Variants in RPS6KC1 observed in about 807,000 individuals in gnomAD.
RPS6KC1 encodes the protein ribosomal protein S6 kinase C1, also known as inactive ribosomal protein S6 kinase delta-1.
A neutral mutation model predicts 103.8 loss-of-function variants in RPS6KC1; 54 were observed. The ratio of observed to expected loss-of-function variants is 0.52; its 90% confidence interval spans 0.42 to 0.65. The LOEUF (loss-of-function observed/expected upper bound fraction) is 0.65, where lower values mean the gene tolerates loss of function less well. RPS6KC1 is among the 30% of genes least tolerant of loss of function. The probability of loss-of-function intolerance (pLI) is 0.00; values close to 1 mark genes in which losing one functional copy is unlikely to be tolerated. For missense variants in RPS6KC1, 1,151 were observed against 1,253.8 expected (o/e 0.92, Z 1.24); for synonymous variants, 439 against 438.7 (o/e 1.00, Z -0.01).
intron 5 of RPS6KC1, among the ~76,000 whole-genome samples, chr1:213,119,403 C>T (rs1005630639): frequency 7.0e-5 from 7 of 99,980 alleles, no homozygotes; most frequent in African/African-American, 1.8e-4. Context: ...GCCAAGATCA[C>T]GCCACTGCAC....
At chr1:213,575,036 C>T in the RPS6KC1 span, among the ~76,000 whole-genome samples, 191 of 152,220 alleles carry the variant, frequency 1.3e-3, 1 homozygote, top group Middle Eastern at 3.4e-3. Flanking sequence ...GGGAGCATTA[C>T]TGTATAGCTT....
At chr1:213,202,073 C>T (rs11120102) in intron 8 of RPS6KC1, among the ~76,000 whole-genome samples, 94,242 of 151,904 alleles carry the variant, frequency 0.62, 29,666 homozygotes, top group Non-Finnish European at 0.65. Context: ...AGATAAAAAA[C>T]CTGAAGCCAG....
At chr1:213,492,372 G>A in the RPS6KC1 span, 3 of 152,250 alleles carry the variant, frequency 2.0e-5, no homozygotes, top group Non-Finnish European at 2.9e-5. Context: ...GGACACATGA[G>A]AAGCAGCTTT....
At chr1:213,714,836 A>C in the RPS6KC1 span, among the ~76,000 whole-genome samples, 1 of 152,230 alleles carries the variant, frequency 6.6e-6, no homozygotes, top group Non-Finnish European at 1.5e-5. Context: ...GGAGGCCAAC[A>C]GTGCAGCCAT....
At chr1:213,380,700 G>A in the RPS6KC1 span, among the ~76,000 whole-genome samples, 2 of 152,156 alleles carry the variant, frequency 1.3e-5, no homozygotes, top group African/African-American at 4.8e-5. Flanking sequence ...ATTCCTTAAT[G>A]TAGCTGGAAA....
chr1:213,060,298 G>A (rs145793228), intron 1 of RPS6KC1, among the ~76,000 whole-genome samples: 1 of 152,210 alleles, frequency 6.6e-6, no homozygotes, highest in African/African-American at 2.4e-5. Flanking sequence ...GGAGTTGTTA[G>A]ATTTCAGTTG....
the RPS6KC1 span, among the ~76,000 whole-genome samples, chr1:213,538,600 G>A: frequency 1.3e-5 from 2 of 152,162 alleles, no homozygotes; most frequent in Admixed American, 1.3e-4. Context: ...ATTGCTGTAA[G>A]GATGAGGGAA....
At chr1:213,613,133 A>G in the RPS6KC1 span, among the ~76,000 whole-genome samples, 6 of 152,290 alleles carry the variant, frequency 3.9e-5, no homozygotes, top group Middle Eastern at 3.4e-3. Flanking sequence ...ATGTCAGCAC[A>G]TTTTCACTGG....
At chr1:213,068,580 G>A (rs1305995144) in intron 1 of RPS6KC1, among the ~76,000 whole-genome samples, 2 of 151,700 alleles carry the variant, frequency 1.3e-5, no homozygotes, top group African/African-American at 4.8e-5. Flanking sequence ...TGTGTGAGGG[G>A]ACAGGCTGGT....
chr1:213,092,116 T>A (rs1201554132), intron 3 of RPS6KC1, among the ~76,000 whole-genome samples: 2 of 152,130 alleles, frequency 1.3e-5, no homozygotes, highest in African/African-American at 4.8e-5. Context: ...GTTAGTGCAG[T>A]AAAAAAATGC....
the RPS6KC1 span, among the ~76,000 whole-genome samples, chr1:213,811,712 T>TGCC: frequency 6.6e-6 from 1 of 152,186 alleles, no homozygotes; most frequent in Non-Finnish European, 1.5e-5. Flanking sequence ...CCAGTTTTTC[T>TGCC]GCCAAGTCGG....
the RPS6KC1 span, among the ~76,000 whole-genome samples, chr1:213,321,595 C>T: frequency 1.3e-5 from 2 of 152,118 alleles, no homozygotes; most frequent in East Asian, 1.9e-4. Context: ...TATTGAGCAC[C>T]TACTATGGAC....
the RPS6KC1 span, among the ~76,000 whole-genome samples, chr1:213,757,349 G>A: frequency 6.6e-6 from 1 of 152,204 alleles, no homozygotes; most frequent in Non-Finnish European, 1.5e-5. Flanking sequence ...AGTGAACACA[G>A]GGATGATAAG....
At chr1:213,427,367 G>A in the RPS6KC1 span, among the ~76,000 whole-genome samples, 14 of 152,158 alleles carry the variant, frequency 9.2e-5, no homozygotes, top group East Asian at 9.6e-4. Flanking sequence ...GAAAGGTTCC[G>A]CTTCCCTTGA....
intron 8 of RPS6KC1, among the ~76,000 whole-genome samples, chr1:213,213,278 T>G (rs564720771): frequency 2.8e-4 from 42 of 152,348 alleles, no homozygotes; most frequent in African/African-American, 9.4e-4. Flanking sequence ...ATTCACATTT[T>G]TGCATGTGGC....
chr1:213,401,783 AC>A, the RPS6KC1 span, among the ~76,000 whole-genome samples: 1 of 144,234 alleles, frequency 6.9e-6, no homozygotes, highest in Non-Finnish European at 1.6e-5. Context: ...ATTTTTACTT[AC>A]TTTATTTATT....
chr1:213,217,198 C>T (rs1322694263), intron 8 of RPS6KC1, among the ~76,000 whole-genome samples: 2 of 151,526 alleles, frequency 1.3e-5, no homozygotes, highest in Admixed American at 6.6e-5. Flanking sequence ...ATATCACTAC[C>T]GATCCCACAG....
chr1:213,164,775 C>T (rs953673159), intron 6 of RPS6KC1, among the ~76,000 whole-genome samples: 1 of 152,132 alleles, frequency 6.6e-6, no homozygotes, highest in Admixed American at 6.5e-5. Flanking sequence ...TGCTATGTTG[C>T]CCAGGCTTGT....
Position 213,241,996 on chromosome 1 carries a change from A to G in RPS6KC1, c.2520A>G (p.Thr840=). 1 of 1,613,978 alleles carries G rather than the reference A, an allele frequency of 6.2e-7. No individual in the cohort carries two copies. Among genetic ancestry groups the G allele is most frequent in the Non-Finnish European group, 8.5e-7 (1 of 1,179,886 alleles). Residue 840 remains threonine, a synonymous_variant, in exon 11 of 15, where the codon ACA becomes ACG. Transcript: ENST00000366960. The part of the protein sequence containing the change: ...EYIASTDTLK[T]EEVLLFTDQT... ...TTGCAAGCACAGACACTTTAAAAAC[A>G]GAAGAAGTATTGCTGTTTACAGATC...
Sources: allele counts gnomAD v4.1 joint callset (sites outside exome capture counted in the v4.1 genomes callset), GRCh38; gene constraint gnomAD v4.1.1; transcripts MANE v1.5; gene names NCBI Gene and HGNC (gene_info 2026-07-23, HGNC 2026-07-21).